The following ARHGAP39 variants were observed in gnomAD, a reference collection of about 807,000 sequenced individuals.
The protein encoded by ARHGAP39 is rho GTPase-activating protein 39.
Under a neutral mutation model 106.9 loss-of-function variants are expected in ARHGAP39, and 44 were observed. The ratio of observed to expected loss-of-function variants is 0.41; its 90% confidence interval spans 0.32 to 0.53. The LOEUF is 0.53. Ranked by LOEUF, ARHGAP39 falls within the 20% of genes least tolerant of loss-of-function variation. The pLI is 0.21. For missense variants in ARHGAP39, 1,496 were observed against 1,577.3 expected, an observed-to-expected ratio of 0.95 and a Z score of 0.87; for synonymous variants, 768 against 693.2, an observed-to-expected ratio of 1.11 and a Z score of -1.69.
At chr8:144,597,357 G>A (rs1250888414) in intron 2 of ARHGAP39, among the ~76,000 whole-genome samples, 4 of 152,188 alleles carry the variant, frequency 2.6e-5, no homozygotes, top group South Asian at 2.1e-4. Flanking sequence ...GGGTGGGGCC[G>A]ACTGGTCCTG....
In ARHGAP39 at chr8:144,591,586, G is replaced by A. The variant is rs1237525077; in HGVS notation, c.81-10309C>T. Among the ~76,000 whole-genome samples, 1 of 152,208 alleles carries A rather than the reference G, an allele frequency of 6.6e-6. No individual in the cohort carries two copies. The highest frequency in any genetic ancestry group is 1.9e-4 in the East Asian group (1 of 5,196). ...CCACAGGGAGCAGGATGAAGGCTCCGGGAGGCCAGTGGTGCTGGGGGACAG... is the reference window on the plus strand; with the variant it reads ...CCACAGGGAGCAGGATGAAGGCTCCAGGAGGCCAGTGGTGCTGGGGGACAG... On this transcript the variant is annotated intron_variant, in intron 2 of 11. Transcript: ENST00000377307. The surrounding 1 kb of genome is among the most constrained non-coding windows in gnomAD (Gnocchi z 5.3).
intron 1 of ARHGAP39, among the ~76,000 whole-genome samples, chr8:144,681,106 C>T (rs1405956768): frequency 6.6e-6 from 1 of 152,030 alleles, no homozygotes; most frequent in Non-Finnish European, 1.5e-5. Context: ...ACAGTGTGGC[C>T]AGGGTATGGA....
rs554351101 is a variant in ARHGAP39, at chr8:144,612,008, T to TAA, written c.-81-6315_-81-6314dup. 1.8e-3 allele frequency among the ~76,000 whole-genome samples: 203 copies of TAA among 109,808 alleles called. 3 individuals carry two copies. The highest frequency in any genetic ancestry group is 1.1e-3 in the Admixed American group (12 of 10,864). 72.0% of individuals were successfully genotyped at this position (109,808 alleles called of 152,430 possible). A position where few individuals can be genotyped will look rare whatever the true frequency, so the allele number is the denominator to read the frequency against. On this transcript the variant is annotated intron_variant, in intron 1 of 11. Coordinates refer to ENST00000377307, the MANE Select transcript of ARHGAP39 (RefSeq NM_025251.3). ...TGGGTGACAAGAGCAAAACTCCATG[T>TAA]AAAAAAAAAAAAAAAAAAGGAGGAT... is the stretch of plus-strand genomic sequence containing the variant.
chr8:144,699,936 C>T, the ARHGAP39 span, among the ~76,000 whole-genome samples: 1 of 152,134 alleles, frequency 6.6e-6, no homozygotes, highest in Non-Finnish European at 1.5e-5. Flanking sequence ...CTCCGTGAAT[C>T]GCATCCTTTT....
At chr8:144,536,213 G>A (rs1353494292) in intron 7 of ARHGAP39, among the ~76,000 whole-genome samples, 1 of 152,180 alleles carries the variant, frequency 6.6e-6, no homozygotes, top group Non-Finnish European at 1.5e-5. Context: ...AAGCCCAGGA[G>A]GGACGGCTGC....
chr8:144,660,475 T>C (rs1439710078), intron 1 of ARHGAP39, among the ~76,000 whole-genome samples: 1 of 152,214 alleles, frequency 6.6e-6, no homozygotes, highest in African/African-American at 2.4e-5. Context: ...TCCTTGGAAC[T>C]GCACTGTGCA....
At chr8:144,559,619 A>T (rs368544739) in intron 3 of ARHGAP39, among the ~76,000 whole-genome samples, 41 of 152,188 alleles carry the variant, frequency 2.7e-4, no homozygotes, top group African/African-American at 9.4e-4. Context: ...AAAATATTTT[A>T]AAAACCTCAA....
Position 144,591,976 on chromosome 8 carries a change from G to A in ARHGAP39, c.81-10699C>T, listed in dbSNP as rs112862410. On this transcript the variant is annotated intron_variant, in intron 2 of 11. Coordinates refer to ENST00000377307, the MANE Select transcript of ARHGAP39 (RefSeq NM_025251.3). The surrounding 1 kb of genome is among the most constrained non-coding windows in gnomAD (Gnocchi z 5.3). ...TCCTGTTCTCGCGTCACTTCTGTTAGATTTTAGCAGAACAAAGTTGAGATA... is the reference window on the plus strand; with the variant it reads ...TCCTGTTCTCGCGTCACTTCTGTTAAATTTTAGCAGAACAAAGTTGAGATA... Among the ~76,000 whole-genome samples, 1 of 152,166 alleles carries A rather than the reference G, an allele frequency of 6.6e-6. No individual in the cohort carries two copies. Among genetic ancestry groups the A allele is most frequent in the African/African-American group, 2.4e-5 (1 of 41,412 alleles).
chr8:144,598,106 C>T (rs1046224323), intron 2 of ARHGAP39, among the ~76,000 whole-genome samples: 6 of 152,132 alleles, frequency 3.9e-5, no homozygotes, highest in African/African-American at 1.4e-4. Context: ...AAGGAGCAGC[C>T]CGGGGAAGTC....
At chr8:144,675,742 G>C (rs1193029023) in intron 1 of ARHGAP39, among the ~76,000 whole-genome samples, 1 of 151,898 alleles carries the variant, frequency 6.6e-6, no homozygotes, top group Non-Finnish European at 1.5e-5. Context: ...TGCGTCTGGA[G>C]TTGTTCATTC....
At chr8:144,615,404 T>TATACTCA (rs978287796) in intron 1 of ARHGAP39, among the ~76,000 whole-genome samples, 5 of 152,038 alleles carry the variant, frequency 3.3e-5, no homozygotes, top group African/African-American at 4.8e-5. Context: ...GCCAGATGTC[T>TATACTCA]GCCTATACTC....
At chr8:144,596,248 T>C (rs1365907297) in intron 2 of ARHGAP39, among the ~76,000 whole-genome samples, 2 of 144,516 alleles carry the variant, frequency 1.4e-5, no homozygotes, top group African/African-American at 5.2e-5. Flanking sequence ...CCACCACCCC[T>C]CAGTGGGCAG....
intron 3 of ARHGAP39, among the ~76,000 whole-genome samples, chr8:144,560,704 C>G (rs779960911): frequency 6.6e-6 from 1 of 152,192 alleles, no homozygotes; most frequent in Non-Finnish European, 1.5e-5. Flanking sequence ...GCGCGGGTTA[C>G]TCTGTTACTG....
intron 2 of ARHGAP39, among the ~76,000 whole-genome samples, chr8:144,582,654 G>A (rs755225309): frequency 5.9e-5 from 9 of 152,202 alleles, no homozygotes; most frequent in Non-Finnish European, 1.0e-4. Flanking sequence ...GGCCTTACGT[G>A]GGGAAGGAGC....
rs1217035467 is a variant in ARHGAP39, at chr8:144,647,245, C to T, written c.-82+38441G>A. Among the ~76,000 whole-genome samples the T allele has an allele frequency of 2.0e-5, 3 of 152,084 alleles. No homozygotes were observed. Among genetic ancestry groups the T allele is most frequent in the Non-Finnish European group, 4.4e-5 (3 of 67,998 alleles). The stretch of plus-strand genomic sequence containing the variant: ...GCCTCCCAAACTGCTGGGATTACAG[C>T]CGTGAGCCACTGCGCCCGGCCTGCT... On this transcript the variant is annotated intron_variant, in intron 1 of 11. Coordinates refer to ENST00000377307, the MANE Select transcript of ARHGAP39 (RefSeq NM_025251.3). This position sits in a 1 kb window ranked among gnomAD's most constrained non-coding sequence, Gnocchi z 4.8.
chr8:144,574,415 A>C (rs1027723778), intron 3 of ARHGAP39, among the ~76,000 whole-genome samples: 5 of 152,200 alleles, frequency 3.3e-5, no homozygotes, highest in Non-Finnish European at 7.3e-5. Context: ...TCATGCCTGT[A>C]ATCCCAGCAC....
intron 2 of ARHGAP39, among the ~76,000 whole-genome samples, chr8:144,599,430 A>G (rs921338458): frequency 2.6e-5 from 4 of 152,220 alleles, no homozygotes; most frequent in Non-Finnish European, 4.4e-5. Flanking sequence ...TTAGTGTAAG[A>G]ATGAAGGGGA....
At chr8:144,666,087 GT>G (rs1821955984) in intron 1 of ARHGAP39, among the ~76,000 whole-genome samples, 1 of 152,220 alleles carries the variant, frequency 6.6e-6, no homozygotes, top group Admixed American at 6.5e-5. Context: ...GAAACCTGGG[GT>G]CAAAGGAGAT....
At chr8:144,600,689 T>C (rs1272817923) in intron 2 of ARHGAP39, among the ~76,000 whole-genome samples, 1 of 148,754 alleles carries the variant, frequency 6.7e-6, no homozygotes, top group Non-Finnish European at 1.5e-5. Context: ...CGTGTGCGTG[T>C]GCGTGGAGAC....
Sources: allele counts gnomAD v4.1 joint callset (sites outside exome capture counted in the v4.1 genomes callset), GRCh38; gene constraint gnomAD v4.1.1; non-coding constraint Gnocchi (gnomAD v3.1); transcripts MANE v1.5; gene names NCBI Gene and HGNC (gene_info 2026-07-23, HGNC 2026-07-21).